The following PIKFYVE variants were observed in gnomAD, a reference collection of about 807,000 sequenced individuals.
The protein encoded by PIKFYVE is phosphoinositide kinase, FYVE-type zinc finger containing.
A neutral mutation model predicts 257.9 loss-of-function variants in PIKFYVE; 122 were observed. That is an observed-to-expected ratio of 0.47 (90% CI 0.41 to 0.55). The LOEUF (loss-of-function observed/expected upper bound fraction) is 0.55, where lower values mean the gene tolerates loss of function less well. Among genes scored for constraint, PIKFYVE ranks in the 20% least tolerant of loss-of-function variants. PIKFYVE has a pLI of 0.00. For missense variants in PIKFYVE, 2,160 were observed against 2,536.6 expected, an observed-to-expected ratio of 0.85 and a Z score of 3.19; for synonymous variants, 892 against 868.9, an observed-to-expected ratio of 1.03 and a Z score of -0.47.
chr2:208,358,732 C>A lies in PIKFYVE; in HGVS notation c.*3427C>A, dbSNP rs983511474. On this transcript the variant is annotated 3_prime_UTR_variant, in exon 42 of 42. Transcript: ENST00000264380. Reference sequence around the variant, plus strand: ...TAAATAAAGAAATCTTAACAATAAACTCAGAATCTACTTACTCCACTTAGT... The same window carrying A: ...TAAATAAAGAAATCTTAACAATAAAATCAGAATCTACTTACTCCACTTAGT... 2 of 152,592 alleles carry A rather than the reference C, an allele frequency of 1.3e-5. No individual in the cohort carries two copies. The highest frequency in any genetic ancestry group is 2.9e-5 in the Non-Finnish European group (2 of 68,032). The allele number at this position is 152,592 out of a possible 1,614,324, so 9.5% of individuals were successfully genotyped here.
In PIKFYVE at chr2:208,269,884, C is replaced by G. The variant is rs190500731; in HGVS notation, c.-9-1627C>G. The G allele has an allele frequency of 8.1e-4, 241 of 297,960 alleles. 1 individual carries two copies. The highest frequency in any genetic ancestry group is 2.2e-3 in the Admixed American group (51 of 23,180). 18.5% of individuals were successfully genotyped at this position (297,960 alleles called of 1,614,324 possible). A position where few individuals can be genotyped will look rare whatever the true frequency, so the allele number is the denominator to read the frequency against. ...TTGGTCTTGGCTGGAGGGGCCCATG[C>G]TGCTGCTGGCTTGGCAGCACCTTTG... is the stretch of plus-strand genomic sequence containing the variant. On this transcript the variant is annotated intron_variant, in intron 1 of 41. Coordinates refer to ENST00000264380, the MANE Select transcript of PIKFYVE (RefSeq NM_015040.4).
At chr2:208,269,334 A>T (rs1054097690) in intron 1 of PIKFYVE, 1 of 158,110 alleles carries the variant, frequency 6.3e-6, no homozygotes, top group East Asian at 1.9e-4. Context: ...AGGGATCTAC[A>T]GAGCTCAGTA....
chr2:208,286,100 G>T (rs547921178), intron 6 of PIKFYVE, among the ~76,000 whole-genome samples, 167 bp downstream of exon 6: 3 of 152,228 alleles, frequency 2.0e-5, no homozygotes, highest in Non-Finnish European at 4.4e-5. Context: ...GATGTTTATG[G>T]ATAGTGATGA....
chr2:208,312,312 C>T lies in PIKFYVE; in HGVS notation c.1696+17C>T, dbSNP rs1176060589. Reference sequence around the variant, plus strand: ...TCATCAAAGGTAATTTTATAAAAAGCTGTATGTGGAATGGTGTCTCTTTTT... The same window carrying T: ...TCATCAAAGGTAATTTTATAAAAAGTTGTATGTGGAATGGTGTCTCTTTTT... On this transcript the variant is annotated intron_variant, in intron 13 of 41. Transcript: ENST00000264380. 3.2e-6 allele frequency: 5 copies of T among 1,584,884 alleles called. No homozygotes were observed. The highest frequency in any genetic ancestry group is 4.3e-6 in the Non-Finnish European group (5 of 1,156,844).
chr2:208,312,097 T>C, intron 12 of PIKFYVE, 139 bp from the exon 13 acceptor site: 1 of 686,110 alleles, frequency 1.5e-6, no homozygotes, highest in Non-Finnish European at 2.6e-6. Flanking sequence ...CAAAGCTTTC[T>C]TGAATTTGCC....
At chr2:208,308,537 T>C (rs1694608192) in intron 12 of PIKFYVE, among the ~76,000 whole-genome samples, 1 of 152,190 alleles carries the variant, frequency 6.6e-6, no homozygotes, top group Non-Finnish European at 1.5e-5. Context: ...CAAAAACTTA[T>C]TCCTCCTGTC....
At chr2:208,340,547 C>CT (rs1182014629) in intron 31 of PIKFYVE, among the ~76,000 whole-genome samples, 2 of 151,852 alleles carry the variant, frequency 1.3e-5, no homozygotes, top group African/African-American at 4.8e-5. Context: ...TTCATGTGAT[C>CT]TTTTTTTTAT....
intron 12 of PIKFYVE, chr2:208,305,615 C>G (rs1185412875): frequency 7.1e-6 from 3 of 424,246 alleles, no homozygotes; most frequent in South Asian, 9.9e-5. Context: ...TAATAGTGAC[C>G]ATATTCAAAA....
chr2:208,350,748 A>C (rs201682226), intron 36 of PIKFYVE, 23 bp from the exon 37 acceptor site: 2 of 1,612,458 alleles, frequency 1.2e-6, no homozygotes, highest in African/African-American at 2.7e-5. Flanking sequence ...AAAGCTTTTT[A>C]AAAAAACTTC....
chr2:208,297,567 T>C (rs1381947660), intron 7 of PIKFYVE, among the ~76,000 whole-genome samples: 2 of 152,180 alleles, frequency 1.3e-5, no homozygotes, highest in Admixed American at 6.5e-5. Context: ...CGAGCTACTT[T>C]AGGCAGATTA....
In PIKFYVE at chr2:208,340,739, G is replaced by C. The variant is rs574438243; in HGVS notation, c.4931+608G>C. ...ACTGACTTACATATTTATTCAATCAGTATTTAAACTTTTATTTAGTGCCTG... is the reference window on the plus strand; with the variant it reads ...ACTGACTTACATATTTATTCAATCACTATTTAAACTTTTATTTAGTGCCTG... On this transcript the variant is annotated intron_variant, in intron 31 of 41. Coordinates refer to ENST00000264380, the MANE Select transcript of PIKFYVE (RefSeq NM_015040.4). Among the ~76,000 whole-genome samples the C allele has an allele frequency of 2.6e-5, 4 of 152,210 alleles. No homozygotes were observed. In the South Asian group the frequency reaches 6.2e-4, roughly 24 times the overall value.
At position 208,274,174 on chromosome 2, in the gene PIKFYVE, G is replaced by C. The variant is rs1689808424; in HGVS notation, c.322+441G>C. On this transcript the variant is annotated intron_variant, in intron 3 of 41. Coordinates refer to ENST00000264380, the MANE Select transcript of PIKFYVE (RefSeq NM_015040.4). ...CATTATTGGGCTGCCACTTGCTCTT[G>C]GCCTTCTGTCCTTGTTGGGGTGCAA... 19 of 1,092,104 alleles carry C rather than the reference G, an allele frequency of 1.7e-5. 1 individual carries two copies. The South Asian group carries it at 2.6e-4, about 15-fold the overall frequency. 67.7% of individuals were successfully genotyped at this position (1,092,104 alleles called of 1,614,324 possible).
chr2:208,277,897 A>G (rs1156292933), intron 5 of PIKFYVE, among the ~76,000 whole-genome samples, 189 bp downstream of exon 5: 5 of 152,180 alleles, frequency 3.3e-5, no homozygotes, highest in Non-Finnish European at 5.9e-5. Context: ...GGGACTTATC[A>G]TAAATAACTA....
Position 208,356,502 on chromosome 2 carries a change from A to C in PIKFYVE, c.*1197A>C, listed in dbSNP as rs1700168462. The C allele has an allele frequency of 6.6e-6, 1 of 152,232 alleles. No individual in the cohort carries two copies. Among genetic ancestry groups the C allele is most frequent in the Non-Finnish European group, 1.5e-5 (1 of 68,074 alleles). The allele number at this position is 152,232 out of a possible 1,614,324, so 9.4% of individuals were successfully genotyped here. ...ACCCCATCTCTACTAAAAAGACAAA[A>C]AATTAGCTGGGCATGGTGGCATATA... is the stretch of plus-strand genomic sequence containing the variant. On this transcript the variant is annotated 3_prime_UTR_variant, in exon 42 of 42. Coordinates refer to ENST00000264380, the MANE Select transcript of PIKFYVE (RefSeq NM_015040.4).
intron 17 of PIKFYVE, among the ~76,000 whole-genome samples, chr2:208,322,374 T>TAAAAAA (rs11471825): frequency 1.0e-5 from 1 of 97,800 alleles, no homozygotes; most frequent in African/African-American, 4.0e-5. Flanking sequence ...CCCTGTCTCT[T>TAAAAAA]AAAAAAAAAA....
Position 208,273,615 on chromosome 2 carries a change from G to T in PIKFYVE, c.204G>T (p.Gln68His). Residue 68 changes from glutamine to histidine, a missense_variant, in exon 3 of 42, where the codon CAG becomes CAT. Gln to His is a conservative substitution (Grantham distance 24). Coordinates refer to ENST00000264380, the MANE Select transcript of PIKFYVE (RefSeq NM_015040.4). Reference protein sequence around the residue: ...ERAEGGQGEQQPLSGSWTSPQ... With the variant: ...ERAEGGQGEQHPLSGSWTSPQ... ...CAGAAGGAGGCCAGGGAGAACAGCA[G>T]CCTTTGAGTGGAAGTTGGACCAGCC... is the stretch of plus-strand genomic sequence containing the variant. 6.2e-7 allele frequency: 1 copy of T among 1,614,178 alleles called. No homozygotes were observed. Among genetic ancestry groups the T allele is most frequent in the Non-Finnish European group, 8.5e-7 (1 of 1,180,042 alleles).
rs1699394298 is a variant in PIKFYVE at position 208,347,986 on chromosome 2, C to T, written c.5337C>T (p.Gly1779=). ...CTTACTACCAGGTTGGGCAGACGGGCAAGGAGGGGACCGAGAATCAAGGCG... is the reference window on the plus strand; with the variant it reads ...CTTACTACCAGGTTGGGCAGACGGGTAAGGAGGGGACCGAGAATCAAGGCG... ...DSAYYQVGQT[G]KEGTENQGVE... Residue 1779 remains glycine, a synonymous_variant, in exon 35 of 42, where the codon GGC becomes GGT. Transcript: ENST00000264380. The T allele has an allele frequency of 6.2e-7, 1 of 1,613,988 alleles. No individual in the cohort carries two copies. The highest frequency in any genetic ancestry group is 1.3e-5 in the African/African-American group (1 of 74,896).
chr2:208,304,853 C>T lies in PIKFYVE; in HGVS notation c.1476C>T (p.Ala492=). The change falls in exon 12 of 42, where the codon GCC becomes GCT. Residue 492 remains alanine, a synonymous_variant. Transcript: ENST00000264380. ...CCTTCCCAACACTAAAAGATTCTGC[C>T]AGTCCTAGCAAGCGCACATCAGTCA... ...EEGDDNLANS[A]SPSKRTSVSS... is the part of the protein sequence containing the mutation. The T allele has an allele frequency of 6.2e-7, 1 of 1,614,052 alleles. No homozygotes were observed. The highest frequency in any genetic ancestry group is 8.5e-7 in the Non-Finnish European group (1 of 1,179,952).
chr2:208,274,128 G>C (rs1689789546), intron 3 of PIKFYVE: 2 of 1,468,870 alleles, frequency 1.4e-6, no homozygotes, highest in South Asian at 1.2e-5. Flanking sequence ...CATGCCTCTG[G>C]CTGCAGAACT....
Sources: gnomAD v4.1 joint callset for allele counts (sites outside exome capture counted in the v4.1 genomes callset) on GRCh38, gnomAD v4.1.1 for gene constraint, MANE v1.5 for transcripts, NCBI Gene and HGNC (gene_info 2026-07-23, HGNC 2026-07-21) for gene names.